The following SUGCT variants were observed in gnomAD, a reference collection of about 807,000 sequenced individuals.
SUGCT encodes the protein succinyl-CoA:glutarate CoA-transferase.
In SUGCT, 41 loss-of-function variants were observed where a neutral mutation model predicts 55.0. The ratio of observed to expected loss-of-function variants is 0.74; its 90% CI spans 0.58 to 0.97. The LOEUF (loss-of-function observed/expected upper bound fraction) is 0.97. Among genes scored for constraint, SUGCT ranks in the 50% least tolerant of loss-of-function variants. The pLI is 0.00. For synonymous variants in SUGCT, 187 were observed against 200.4 expected (o/e 0.93, Z 0.56); for missense variants, 568 against 547.8 (o/e 1.04, Z -0.37).
chr7:40,508,262 A>G (rs1174032648), intron 12 of SUGCT, among the ~76,000 whole-genome samples: 1 of 152,160 alleles, frequency 6.6e-6, no homozygotes, highest in Non-Finnish European at 1.5e-5. Flanking sequence ...ATTAAGCTGT[A>G]ACAGGGGCAA....
intron 12 of SUGCT, among the ~76,000 whole-genome samples, chr7:40,554,925 T>G (rs1328309251): frequency 6.6e-6 from 1 of 152,188 alleles, no homozygotes; most frequent in African/African-American, 2.4e-5. Context: ...TACATTCATG[T>G]CACCATTCTG....
At chr7:40,189,952 G>A in intron 5 of SUGCT, among the ~76,000 whole-genome samples, 1 of 152,110 alleles carries the variant, frequency 6.6e-6, no homozygotes, top group East Asian at 1.9e-4. Flanking sequence ...TGGTGCCTAA[G>A]TGATGCTCCA....
intron 13 of SUGCT, among the ~76,000 whole-genome samples, chr7:40,777,187 C>T (rs941446651): frequency 6.6e-6 from 1 of 152,192 alleles, no homozygotes; most frequent in African/African-American, 2.4e-5. Context: ...TTCATGTTAA[C>T]CAAACACTAA....
intron 12 of SUGCT, among the ~76,000 whole-genome samples, chr7:40,527,606 T>C (rs1793871980): frequency 1.3e-5 from 2 of 152,242 alleles, no homozygotes; most frequent in Non-Finnish European, 2.9e-5. Context: ...GTGTTAGAGC[T>C]GTTTTAAATA....
chr7:40,575,120 G>GGA (rs1243825536), intron 12 of SUGCT, among the ~76,000 whole-genome samples: 2 of 137,002 alleles, frequency 1.5e-5, no homozygotes, highest in African/African-American at 7.0e-5. Context: ...GGAGGGTGGC[G>GGA]GGGGTGGGGG....
At chr7:41,031,182 T>C in the SUGCT span, among the ~76,000 whole-genome samples, 1 of 152,110 alleles carries the variant, frequency 6.6e-6, no homozygotes, top group Non-Finnish European at 1.5e-5. Flanking sequence ...GGCTGGCCCA[T>C]AGGATTATTT....
chr7:40,592,062 C>CA lies in SUGCT; in HGVS notation c.1089+95681dup, dbSNP rs766711926. On this transcript the variant is annotated intron_variant, in intron 12 of 13. Transcript: ENST00000335693. ...TGGCACAAAATATAGAAAAACTTTG[C>CA]AAAAAGACAGAATTTTTTTACTGTA... Among the ~76,000 whole-genome samples the CA allele has an allele frequency of 2.4e-4, 36 of 152,004 alleles. 1 individual carries two copies. The highest frequency in any genetic ancestry group is 5.0e-4 in the Non-Finnish European group (34 of 67,988).
chr7:40,509,966 GT>G (rs1216674508), intron 12 of SUGCT, among the ~76,000 whole-genome samples: 1 of 152,060 alleles, frequency 6.6e-6, no homozygotes, highest in Non-Finnish European at 1.5e-5. Flanking sequence ...TTTGAAAAAA[GT>G]TTTTTGATCA....
intron 13 of SUGCT, among the ~76,000 whole-genome samples, chr7:40,839,536 T>C (rs1273246891): frequency 6.6e-6 from 1 of 152,234 alleles, no homozygotes; most frequent in African/African-American, 2.4e-5. Context: ...CATAGAAACC[T>C]AGAAATTTCT....
intron 12 of SUGCT, among the ~76,000 whole-genome samples, chr7:40,553,060 A>AAGTG (rs1795380432): frequency 6.6e-6 from 1 of 152,196 alleles, no homozygotes; most frequent in Non-Finnish European, 1.5e-5. Flanking sequence ...TACTGATAAA[A>AAGTG]AGTGTTCAAA....
chr7:40,316,354 C>T (rs1292810845), intron 8 of SUGCT, among the ~76,000 whole-genome samples: 1 of 152,070 alleles, frequency 6.6e-6, no homozygotes, highest in African/African-American at 2.4e-5. Flanking sequence ...TCAGTGATGA[C>T]ACAGGCTCTC....
At chr7:40,842,628 A>G (rs1329244393) in intron 13 of SUGCT, among the ~76,000 whole-genome samples, 1 of 152,234 alleles carries the variant, frequency 6.6e-6, no homozygotes, top group East Asian at 1.9e-4. Flanking sequence ...TTAATTTACT[A>G]GACTCTGGAC....
chr7:41,032,911 A>G, the SUGCT span, among the ~76,000 whole-genome samples: 1 of 152,110 alleles, frequency 6.6e-6, no homozygotes, highest in South Asian at 2.1e-4. Context: ...CTATAGGCAC[A>G]TGCCATCATG....
chr7:40,482,597 T>C (rs1328607147), intron 11 of SUGCT, among the ~76,000 whole-genome samples: 1 of 152,162 alleles, frequency 6.6e-6, no homozygotes, highest in Non-Finnish European at 1.5e-5. Context: ...GCCTCTGGTG[T>C]GAGGTGTGAC....
At chr7:40,890,061 T>C in the SUGCT span, among the ~76,000 whole-genome samples, 3 of 151,956 alleles carry the variant, frequency 2.0e-5, no homozygotes, top group African/African-American at 7.2e-5. Context: ...CAATGAGCAC[T>C]GATTCAATCA....
intron 12 of SUGCT, among the ~76,000 whole-genome samples, chr7:40,672,432 A>G (rs1037037845): frequency 1.3e-5 from 2 of 152,250 alleles, no homozygotes; most frequent in Non-Finnish European, 2.9e-5. Context: ...TCACCAGGGA[A>G]TTATGCCCAG....
intron 12 of SUGCT, among the ~76,000 whole-genome samples, chr7:40,616,320 C>T (rs376391185): frequency 3.3e-5 from 5 of 152,262 alleles, no homozygotes; most frequent in African/African-American, 1.2e-4. Context: ...CTGAGCCTCC[C>T]AAGTAGCTGG....
chr7:40,199,473 G>C (rs1010216559), intron 6 of SUGCT, among the ~76,000 whole-genome samples: 31 of 152,210 alleles, frequency 2.0e-4, no homozygotes, highest in African/African-American at 7.2e-4. Context: ...TGTACCACTG[G>C]GTAGGAAGAT....
the SUGCT span, chr7:40,964,934 A>G: frequency 1.3e-5 from 2 of 152,212 alleles, no homozygotes; most frequent in African/African-American, 4.8e-5. Context: ...TAAGCTGTCT[A>G]TTGTCCAGCC....
Sources: allele counts gnomAD v4.1 joint callset (sites outside exome capture counted in the v4.1 genomes callset), GRCh38; gene constraint gnomAD v4.1.1; transcripts MANE v1.5; gene names NCBI Gene and HGNC (gene_info 2026-07-23, HGNC 2026-07-21).